Variants in TNR observed in about 807,000 individuals in gnomAD.
TNR encodes the protein tenascin R.
In TNR, 45 loss-of-function variants were observed where a neutral mutation model predicts 150.4. That is an observed-to-expected ratio of 0.30 (90% CI 0.24 to 0.38). The LOEUF (loss-of-function observed/expected upper bound fraction) is 0.38, where lower values mean the gene tolerates loss of function less well. Ranked by LOEUF, TNR falls within the 10% of genes least tolerant of loss-of-function variation. The pLI, the probability that TNR is intolerant of heterozygous loss-of-function variation, is 1.00. For synonymous variants in TNR, 687 were observed against 678.4 expected (o/e 1.01, Z -0.20); for missense variants, 1,544 against 1,759.1 (o/e 0.88, Z 2.19).
At chr1:175,480,419 A>AGAAAAAAGAAAG (rs373622666) in intron 2 of TNR, among the ~76,000 whole-genome samples, 1 of 110,936 alleles carries the variant, frequency 9.0e-6, no homozygotes, top group African/African-American at 2.8e-5. Context: ...AAAGAAAGAA[A>AGAAAAAAGAAAG]AAAGAAAGAA....
chr1:175,399,227 C>T (rs1488850357), intron 4 of TNR, among the ~76,000 whole-genome samples: 1 of 152,172 alleles, frequency 6.6e-6, no homozygotes, highest in Non-Finnish European at 1.5e-5. Context: ...CTCCAGGTTT[C>T]CTATGCAGGA....
intron 13 of TNR, 22 bp from the exon 14 acceptor site, chr1:175,362,831 A>G: frequency 6.2e-7 from 1 of 1,613,390 alleles, no homozygotes; most frequent in Non-Finnish European, 8.5e-7. Context: ...AAGAATCTAC[A>G]GTTAAAATTC....
chr1:175,686,736 G>A (rs1183588494), intron 1 of TNR, among the ~76,000 whole-genome samples: 1 of 152,156 alleles, frequency 6.6e-6, no homozygotes, highest in Non-Finnish European at 1.5e-5. Context: ...GTGAGAACAT[G>A]TGGTATTTGA....
chr1:175,640,606 T>C (rs944198982), intron 1 of TNR, among the ~76,000 whole-genome samples: 3 of 152,264 alleles, frequency 2.0e-5, no homozygotes, highest in Admixed American at 1.3e-4. Flanking sequence ...CAGGGTAAGG[T>C]TTCTGCCATT....
At chr1:175,337,353 T>C (rs1225031845) in intron 19 of TNR, among the ~76,000 whole-genome samples, 175 bp downstream of exon 19, 3 of 152,188 alleles carry the variant, frequency 2.0e-5, no homozygotes, top group African/African-American at 4.8e-5. Flanking sequence ...TGGCCAGATA[T>C]ATGATTGGAC....
intron 1 of TNR, among the ~76,000 whole-genome samples, chr1:175,701,493 C>T (rs111662376): frequency 1.3e-4 from 20 of 152,340 alleles, no homozygotes; most frequent in Middle Eastern, 3.4e-3. Flanking sequence ...AGCTGACTGG[C>T]GTGGTCCACA....
intron 20 of TNR, 103 bp from the exon 21 acceptor site, chr1:175,330,338 AGGGG>A: frequency 1.6e-6 from 2 of 1,287,276 alleles, no homozygotes; most frequent in Non-Finnish European, 2.1e-6. Flanking sequence ...AGGGAAGAGG[AGGGG>A]ACTCCAGATT....
At position 175,323,496 on chromosome 1, in the gene TNR, G is replaced by T. The variant is rs754114564; in HGVS notation, c.3958-20C>A. ...GATGCCCTGGGCGTGAGAAAGATAAGCATGTCAGGTCATCCCCCACCATGG... is the reference window on the plus strand; with the variant it reads ...GATGCCCTGGGCGTGAGAAAGATAATCATGTCAGGTCATCCCCCACCATGG... On this transcript the variant is annotated intron_variant, in intron 22 of 22. Transcript: ENST00000367674. 1.2e-6 allele frequency: 2 copies of T among 1,612,550 alleles called. No individual in the cohort carries two copies. Among genetic ancestry groups the T allele is most frequent in the East Asian group, 2.2e-5 (1 of 44,842 alleles).
At chr1:175,508,623 A>C (rs550876462) in intron 2 of TNR, among the ~76,000 whole-genome samples, 1 of 152,240 alleles carries the variant, frequency 6.6e-6, no homozygotes, top group Non-Finnish European at 1.5e-5. Context: ...AGAGGCCCAC[A>C]TGATGAGAAG....
intron 1 of TNR, among the ~76,000 whole-genome samples, chr1:175,548,556 C>T (rs1660806868): frequency 6.6e-6 from 1 of 151,978 alleles, no homozygotes; most frequent in Non-Finnish European, 1.5e-5. Flanking sequence ...TCTCTTCTCT[C>T]CCTGTAATCT....
chr1:175,348,479 GA>G (rs1454886339), intron 18 of TNR, among the ~76,000 whole-genome samples: 1 of 152,218 alleles, frequency 6.6e-6, no homozygotes, highest in African/African-American at 2.4e-5. Flanking sequence ...AGTCAACCTC[GA>G]AATGAAAACT....
chr1:175,402,299 G>T (rs1488107418), intron 4 of TNR, among the ~76,000 whole-genome samples: 2 of 113,680 alleles, frequency 1.8e-5, no homozygotes, highest in Non-Finnish European at 3.4e-5. Flanking sequence ...GGGCGACAGA[G>T]CGAGACTCCG....
At chr1:175,601,621 C>T (rs558171260) in intron 1 of TNR, among the ~76,000 whole-genome samples, 32 of 152,166 alleles carry the variant, frequency 2.1e-4, no homozygotes, top group African/African-American at 6.5e-4. Flanking sequence ...ATTATGAAAA[C>T]GCTATATACA....
At chr1:175,460,981 A>G (rs1387486606) in intron 2 of TNR, among the ~76,000 whole-genome samples, 1 of 152,190 alleles carries the variant, frequency 6.6e-6, no homozygotes, top group East Asian at 1.9e-4. Flanking sequence ...ACACATACAC[A>G]CATGTATGTG....
intron 1 of TNR, among the ~76,000 whole-genome samples, chr1:175,593,350 C>A (rs1662877259): frequency 6.6e-6 from 1 of 152,118 alleles, no homozygotes; most frequent in African/African-American, 2.4e-5. Flanking sequence ...TCACATAGAG[C>A]CAGTTAATGG....
intron 2 of TNR, among the ~76,000 whole-genome samples, chr1:175,448,469 C>T (rs1342723054): frequency 6.6e-6 from 1 of 152,160 alleles, no homozygotes; most frequent in Non-Finnish European, 1.5e-5. Context: ...CTCAGCCTCC[C>T]AAAGTGCTGG....
chr1:175,455,941 G>A (rs1303020636), intron 2 of TNR, among the ~76,000 whole-genome samples: 1 of 152,118 alleles, frequency 6.6e-6, no homozygotes, highest in South Asian at 2.1e-4. Context: ...AGAGTGAACG[G>A]GGGCACTATT....
rs1297212208 is a variant in TNR, at chr1:175,628,556, C to T, written c.-164-100187G>A. ...AAAAAAAGAATGGCACCTTTTTTTG[C>T]GCCATTGTTAATATTTTAGCTCATA... On this transcript the variant is annotated intron_variant, in intron 1 of 22. Coordinates refer to ENST00000367674, the MANE Select transcript of TNR (RefSeq NM_003285.3). Among the ~76,000 whole-genome samples the T allele has an allele frequency of 5.3e-5, 8 of 149,848 alleles. No individual in the cohort carries two copies. The East Asian group carries it at 1.2e-3, about 22-fold the overall frequency.
chr1:175,664,296 A>G (rs940885699), intron 1 of TNR, among the ~76,000 whole-genome samples: 1 of 152,202 alleles, frequency 6.6e-6, no homozygotes, highest in African/African-American at 2.4e-5. Flanking sequence ...GCTGGGATAA[A>G]TTCCTATCAG....
Sources: gnomAD v4.1 joint callset for allele counts (sites outside exome capture counted in the v4.1 genomes callset) on GRCh38, gnomAD v4.1.1 for gene constraint, MANE v1.5 for transcripts, NCBI Gene and HGNC (gene_info 2026-07-23, HGNC 2026-07-21) for gene names.